The following PTGR2 variants were observed in gnomAD, a reference collection of about 807,000 sequenced individuals.
The protein encoded by PTGR2 is prostaglandin reductase 2.
Under a neutral mutation model 43.4 loss-of-function variants are expected in PTGR2, and 32 were observed. The ratio of observed to expected loss-of-function variants is 0.74; its 90% CI spans 0.56 to 0.99. PTGR2 has a LOEUF of 0.99. Ranked by LOEUF, PTGR2 falls within the 50% of genes least tolerant of loss-of-function variation. PTGR2 has a pLI of 0.00. For synonymous variants in PTGR2, 106 were observed against 139.2 expected (o/e 0.76, Z 1.68); for missense variants, 373 against 420.0 (o/e 0.89, Z 0.98).
intron 8 of PTGR2, 49 bp downstream of exon 8, chr14:73,881,341 A>T (rs772623118): frequency 8.6e-7 from 1 of 1,159,906 alleles, no homozygotes; most frequent in South Asian, 1.3e-5. Context: ...TACTTGATAT[A>T]ATTTTGCATT....
At position 73,860,534 on chromosome 14, in the gene PTGR2, T is replaced by G; in HGVS notation, c.38-5T>G. On this transcript the variant is annotated splice_polypyrimidine_tract_variant and splice_region_variant and intron_variant, in intron 2 of 9. Coordinates refer to ENST00000555661, the MANE Select transcript of PTGR2 (RefSeq NM_001146154.2). Reference sequence around the variant, plus strand: ...TTAACTTTATATTTTTGCATAATATTTTAGGAAAAAATGGTAATCCAGTGG... The same window carrying G: ...TTAACTTTATATTTTTGCATAATATGTTAGGAAAAAATGGTAATCCAGTGG... 7.0e-7 allele frequency: 1 copy of G among 1,419,786 alleles called. No homozygotes were observed. The highest frequency in any genetic ancestry group is 9.8e-7 in the Non-Finnish European group (1 of 1,020,436). 87.9% of individuals were successfully genotyped at this position (1,419,786 alleles called of 1,614,324 possible). A position where few individuals can be genotyped will look rare whatever the true frequency, so the allele number is the denominator to read the frequency against.
At chr14:73,883,863 C>A (rs976098790) in intron 9 of PTGR2, among the ~76,000 whole-genome samples, 4 of 152,108 alleles carry the variant, frequency 2.6e-5, no homozygotes, top group Non-Finnish European at 4.4e-5. Flanking sequence ...ATGTGCATAC[C>A]AGTTAGATAC....
In PTGR2 at chr14:73,857,039, A is replaced by T. The variant is rs150320954; in HGVS notation, c.-47-1777A>T. 4.3e-3 allele frequency among the ~76,000 whole-genome samples: 653 copies of T among 152,238 alleles called. 6 individuals carry two copies. The highest frequency in any genetic ancestry group is 0.015 in the African/African-American group (633 of 41,540). ...GTAATCCCAGCACTTTGGGAGGTCG[A>T]GATGGGAGGATCACTTGAGCCCAGG... On this transcript the variant is annotated intron_variant, in intron 1 of 9. Transcript: ENST00000555661.
chr14:73,856,957 TC>T (rs1238172003), intron 1 of PTGR2, among the ~76,000 whole-genome samples: 29 of 152,334 alleles, frequency 1.9e-4, no homozygotes, highest in Admixed American at 1.8e-3. Context: ...TTTGCTTTCT[TC>T]ATTAGCTCAA....
intron 3 of PTGR2, among the ~76,000 whole-genome samples, chr14:73,862,874 A>G (rs537011850): frequency 6.6e-6 from 1 of 151,740 alleles, no homozygotes; most frequent in Non-Finnish European, 1.5e-5. Flanking sequence ...CACCCGGCTA[A>G]TTTTTTTGTT....
At chr14:73,882,800 CTTTTTTTTTTTTTTTTTT>C (rs35651032) in intron 9 of PTGR2, among the ~76,000 whole-genome samples, 7 of 41,826 alleles carry the variant, frequency 1.7e-4, no homozygotes, top group Admixed American at 3.8e-4. Flanking sequence ...ACGCCTGGCC[CTTTTTTTTTTTTTTTTTT>C]TTTTTTTTTT....
At chr14:73,878,024 T>C (rs1396670377) in intron 5 of PTGR2, 1 of 152,222 alleles carries the variant, frequency 6.6e-6, no homozygotes, top group African/African-American at 2.4e-5. Flanking sequence ...GGCACGCCTG[T>C]TGTCCTAACT....
intron 1 of PTGR2, among the ~76,000 whole-genome samples, chr14:73,853,201 A>T (rs1595339244): frequency 6.6e-6 from 1 of 152,104 alleles, no homozygotes; most frequent in Non-Finnish European, 1.5e-5. Flanking sequence ...GGGTATTAAA[A>T]GGTATTAGGA....
chr14:73,866,849 G>T (rs1232687743), intron 3 of PTGR2, among the ~76,000 whole-genome samples: 1 of 151,984 alleles, frequency 6.6e-6, no homozygotes, highest in Non-Finnish European at 1.5e-5. Context: ...AGCACTTTGG[G>T]AGGCTGAGGC....
chr14:73,869,273 C>G (rs910525987), intron 3 of PTGR2, among the ~76,000 whole-genome samples: 1 of 152,122 alleles, frequency 6.6e-6, no homozygotes, highest in Non-Finnish European at 1.5e-5. Context: ...ATGGCTCATA[C>G]TTATAATCCC....
At chr14:73,881,401 C>G (rs1477795552) in intron 8 of PTGR2, 109 bp downstream of exon 8, 1 of 657,372 alleles carries the variant, frequency 1.5e-6, no homozygotes, top group Admixed American at 2.5e-5. Context: ...AAAATTCCTA[C>G]AAAAGAAAAG....
intron 3 of PTGR2, chr14:73,861,780 GA>G (rs1354828900): frequency 4.6e-5 from 7 of 152,142 alleles, no homozygotes; most frequent in Non-Finnish European, 8.8e-5. Flanking sequence ...GTGCAGTAGG[GA>G]AATTGGCCCC....
At position 73,881,297 on chromosome 14, in the gene PTGR2, A is replaced by G; in HGVS notation, c.939+5A>G. On this transcript the variant is annotated splice_donor_5th_base_variant and intron_variant, in intron 8 of 9. Coordinates refer to ENST00000555661, the MANE Select transcript of PTGR2 (RefSeq NM_001146154.2). ...TTTAAAGAAGGAAAGCTAAAGGTAGAACTTCTATTCTTTATCAATATAATT... is the reference window on the plus strand; with the variant it reads ...TTTAAAGAAGGAAAGCTAAAGGTAGGACTTCTATTCTTTATCAATATAATT... 6.5e-7 allele frequency: 1 copy of G among 1,538,652 alleles called. No individual in the cohort carries two copies. The highest frequency in any genetic ancestry group is 2.3e-5 in the East Asian group (1 of 44,444).
chr14:73,856,462 G>C (rs892865312), intron 1 of PTGR2, among the ~76,000 whole-genome samples: 3 of 152,038 alleles, frequency 2.0e-5, no homozygotes, highest in African/African-American at 7.2e-5. Context: ...TGTTAGCCAG[G>C]CTGGTCTCGA....
rs959063789 is a variant in PTGR2 at position 73,884,224 on chromosome 14, G to C, written c.*47G>C. ...CAATCATAGATTTCTTTTCCATTTT[G>C]CATATTTTCAAAGATATGTTAAAAA... is the stretch of plus-strand genomic sequence containing the variant. On this transcript the variant is annotated 3_prime_UTR_variant, in exon 10 of 10. Transcript: ENST00000555661. 1 of 1,228,556 alleles carries C rather than the reference G, an allele frequency of 8.1e-7. No homozygotes were observed. The highest frequency in any genetic ancestry group is 1.2e-6 in the Non-Finnish European group (1 of 849,538). The allele number at this position is 1,228,556 out of a possible 1,614,324, so 76.1% of individuals were successfully genotyped here.
intron 9 of PTGR2, among the ~76,000 whole-genome samples, chr14:73,883,188 CTTTTTTTTT>C (rs58234739): frequency 5.2e-5 from 3 of 58,150 alleles, no homozygotes; most frequent in Admixed American, 2.7e-4. Context: ...CCTCACCTCC[CTTTTTTTTT>C]TTTTTTTTTT....
chr14:73,861,240 T>C (rs866439510), intron 3 of PTGR2: 1 of 152,262 alleles, frequency 6.6e-6, no homozygotes. Context: ...GACTCACTTA[T>C]GCTACTTCTA....
At chr14:73,860,467 A>T (rs185332594) in intron 2 of PTGR2, 72 bp from the exon 3 acceptor site, 1 of 709,836 alleles carries the variant, frequency 1.4e-6, no homozygotes, top group East Asian at 3.0e-5. Flanking sequence ...ACTCTGTCTC[A>T]AATAATAATA....
intron 3 of PTGR2, among the ~76,000 whole-genome samples, chr14:73,861,957 A>G (rs1311238268): frequency 6.6e-6 from 1 of 151,074 alleles, no homozygotes; most frequent in East Asian, 1.9e-4. Context: ...GGCTCACTGC[A>G]ACCTCTGCCT....
Sources: allele counts gnomAD v4.1 joint callset (sites outside exome capture counted in the v4.1 genomes callset), GRCh38; gene constraint gnomAD v4.1.1; transcripts MANE v1.5; gene names NCBI Gene and HGNC (gene_info 2026-07-23, HGNC 2026-07-21).